The following PAX6 variants were observed in gnomAD, a reference collection of about 807,000 sequenced individuals.
PAX6 encodes paired box 6, also known as paired box protein Pax-6.
Under a neutral mutation model 60.7 loss-of-function variants are expected in PAX6, and 7 were observed. The observed-to-expected ratio is 0.12, with a 90% confidence interval of 0.07 to 0.22. The LOEUF (loss-of-function observed/expected upper bound fraction) is 0.22, where lower values mean the gene tolerates loss of function less well. PAX6 is among the 10% of genes least tolerant of loss of function. The pLI is 1.00. For synonymous variants in PAX6, 208 were observed against 201.2 expected (o/e 1.03, Z -0.29); for missense variants, 355 against 555.2 (o/e 0.64, Z 3.62).
chr11:31,801,931 C>T lies in PAX6; in HGVS notation c.142-19G>A. 1 of 1,606,060 alleles carries T rather than the reference C, an allele frequency of 6.2e-7. No individual in the cohort carries two copies. Among genetic ancestry groups the T allele is most frequent in the Non-Finnish European group, 8.5e-7 (1 of 1,172,900 alleles). On this transcript the variant is annotated intron_variant, in intron 5 of 13. Coordinates refer to ENST00000640368, the MANE Select transcript of PAX6 (RefSeq NM_001368894.2). ...CATGGGTCTATAACACAAAAATATA[C>T]CTTCAATGGTATGAGAACTTACTGT... is the stretch of plus-strand genomic sequence containing the variant.
intron 8 of PAX6, among the ~76,000 whole-genome samples, chr11:31,796,005 G>A (rs1051199313): frequency 6.6e-6 from 1 of 152,272 alleles, no homozygotes; most frequent in Non-Finnish European, 1.5e-5. Context: ...TTATAACCAG[G>A]AGACAATAGG....
intron 10 of PAX6, 62 bp from the exon 11 acceptor site, chr11:31,793,864 C>A (rs552059234): frequency 6.3e-7 from 1 of 1,585,836 alleles, no homozygotes; most frequent in East Asian, 2.2e-5. Flanking sequence ...CACCTTGGCA[C>A]CTCCACTGCT....
intron 8 of PAX6, 61 bp downstream of exon 8, chr11:31,800,630 T>C (rs1000160042): frequency 1.3e-6 from 2 of 1,583,202 alleles, no homozygotes; most frequent in East Asian, 2.2e-5. Flanking sequence ...GTTGGGAGAG[T>C]AGGGGACAGG....
chr11:31,790,331 T>C (rs1949485771), intron 13 of PAX6: 2 of 698,604 alleles, frequency 2.9e-6, no homozygotes, highest in Admixed American at 4.0e-5. Flanking sequence ...AAAACCAATG[T>C]GTCACTTTTT....
At chr11:31,806,146 T>C (rs943048770) in intron 4 of PAX6, 2 of 489,766 alleles carry the variant, frequency 4.1e-6, no homozygotes, top group East Asian at 3.4e-5. Flanking sequence ...GGGGTTTCTC[T>C]ACCGCAGCTT....
intron 2 of PAX6, chr11:31,808,367 C>A (rs1161515404): frequency 1.3e-5 from 2 of 152,216 alleles, no homozygotes; most frequent in African/African-American, 4.8e-5. Flanking sequence ...TTACTAGTTA[C>A]CCTTATCTAG....
intron 12 of PAX6, chr11:31,791,867 G>C (rs1388361239): frequency 2.0e-5 from 3 of 152,188 alleles, no homozygotes; most frequent in Non-Finnish European, 2.9e-5. Context: ...GAAGAGTAAA[G>C]TTATTGATCA....
chr11:31,793,204 C>A, intron 12 of PAX6: 1 of 678,668 alleles, frequency 1.5e-6, no homozygotes, highest in South Asian at 1.6e-5. Context: ...AAAGGCAGAT[C>A]AACCTGACAA....
chr11:31,800,440 C>A (rs542677640), intron 8 of PAX6: 5 of 594,692 alleles, frequency 8.4e-6, no homozygotes, highest in African/African-American at 1.8e-5. Flanking sequence ...CCCACAAACA[C>A]ACACACGCAC....
rs1955755564 is a variant in PAX6, at chr11:31,806,210, G to C, written c.10+192C>G. On this transcript the variant is annotated intron_variant, in intron 4 of 13. Coordinates refer to ENST00000640368, the MANE Select transcript of PAX6 (RefSeq NM_001368894.2). The stretch of plus-strand genomic sequence containing the variant: ...GCCCAGCCCCTGCTTCTCCAGTATC[G>C]AGAAGAGCCAAGCAAACGCCCTCCC... The C allele has an allele frequency of 1.6e-5, 9 of 563,778 alleles. No individual in the cohort carries two copies. The East Asian group carries it at 1.6e-4, about 10-fold the overall frequency. The allele number at this position is 563,778 out of a possible 1,614,324, so 34.9% of individuals were successfully genotyped here.
intron 1 of PAX6, chr11:31,816,341 G>A (rs1486857345): frequency 5.5e-6 from 3 of 547,544 alleles, no homozygotes; most frequent in Non-Finnish European, 9.7e-6. Flanking sequence ...AGCCTATCAC[G>A]GGCGCCCTCC....
chr11:31,810,323 T>TTCCCTCGGCGC (rs1956793925), intron 2 of PAX6: 1 of 152,086 alleles, frequency 6.6e-6, no homozygotes, highest in Admixed American at 6.5e-5. Flanking sequence ...GGCGAGCAGG[T>TTCCCTCGGCGC]TCCCTCGGCG....
At chr11:31,794,164 T>C (rs771822668) in intron 9 of PAX6, 50 bp from the exon 10 acceptor site, 1 of 1,243,702 alleles carries the variant, frequency 8.0e-7, no homozygotes, top group Non-Finnish European at 1.2e-6. Context: ...ACACAAAATA[T>C]GTTGACCAAA....
rs748126202 is a variant in PAX6 at position 31,806,832 on chromosome 11, G to A, written c.-52+17C>T. 7 of 175,094 alleles carry A rather than the reference G, an allele frequency of 4.0e-5. No individual in the cohort carries two copies. Among genetic ancestry groups the A allele is most frequent in the Middle Eastern group, 2.1e-3 (1 of 468 alleles). The allele number at this position is 175,094 out of a possible 1,614,324, so 10.8% of individuals were successfully genotyped here. A position where few individuals can be genotyped will look rare whatever the true frequency, so the allele number is the denominator to read the frequency against. ...GTTTGTGGGTTTTGAGCCCAAAGCAGCCACCACAGAACTTGCCTGAAATCT... is the reference window on the plus strand; with the variant it reads ...GTTTGTGGGTTTTGAGCCCAAAGCAACCACCACAGAACTTGCCTGAAATCT... On this transcript the variant is annotated intron_variant, in intron 3 of 13. Coordinates refer to ENST00000640368, the MANE Select transcript of PAX6 (RefSeq NM_001368894.2).
chr11:31,802,649 C>T lies in PAX6; in HGVS notation c.141+55G>A, dbSNP rs571151963. ...TTTACAGTAAGAAATGAAGAGAGGG[C>T]GTTGAGAGTGGAGGGCCGCGGGGGC... On this transcript the variant is annotated intron_variant, in intron 5 of 13. Transcript: ENST00000640368. 2,214 of 1,574,862 alleles carry T rather than the reference C, an allele frequency of 1.4e-3. 1 individual carries two copies. The highest frequency in any genetic ancestry group is 1.7e-3 in the Non-Finnish European group (2,017 of 1,160,918).
chr11:31,794,578 A>T, intron 9 of PAX6, 52 bp downstream of exon 9: 1 of 1,579,820 alleles, frequency 6.3e-7, no homozygotes, highest in Admixed American at 1.7e-5. Context: ...TGTACTGAAG[A>T]TGTGGCATTT....
At chr11:31,809,152 G>A (rs1400828156) in intron 2 of PAX6, among the ~76,000 whole-genome samples, 1 of 152,194 alleles carries the variant, frequency 6.6e-6, no homozygotes, top group Non-Finnish European at 1.5e-5. Flanking sequence ...CCAGCCAAAA[G>A]AGTAATTAGC....
At chr11:31,813,700 CACAA>C (rs1316790528), upstream of PAX6, among the ~76,000 whole-genome samples, 14 of 152,238 alleles carry the variant, frequency 9.2e-5, 1 homozygote, top group South Asian at 2.7e-3. Flanking sequence ...AACTCCTCCG[CACAA>C]ACAAAAAACA....
chr11:31,789,415 A>T lies in PAX6; in HGVS notation c.*519T>A. The T allele has an allele frequency of 2.7e-6, 1 of 373,518 alleles. No homozygotes were observed. The highest frequency in any genetic ancestry group is 4.8e-6 in the Non-Finnish European group (1 of 210,478). 23.1% of individuals were successfully genotyped at this position (373,518 alleles called of 1,614,324 possible). A position where few individuals can be genotyped will look rare whatever the true frequency, so the allele number is the denominator to read the frequency against. ...TGGAAAACCAACAGATATTTCTGAC[A>T]TAAATCTAGTGCATGTTGTTCCAGG... On this transcript the variant is annotated 3_prime_UTR_variant, in exon 14 of 14. Coordinates refer to ENST00000640368, the MANE Select transcript of PAX6 (RefSeq NM_001368894.2).
Sources: allele counts gnomAD v4.1 joint callset (sites outside exome capture counted in the v4.1 genomes callset), GRCh38; gene constraint gnomAD v4.1.1; transcripts MANE v1.5; gene names NCBI Gene and HGNC (gene_info 2026-07-23, HGNC 2026-07-21).